MAMDC2: variants seen among roughly 807,000 people sequenced by gnomAD.
MAMDC2 encodes the protein MAM domain containing 2.
MAMDC2 carries 57 observed loss-of-function variants against 89.8 expected under a neutral mutation model. That is an observed-to-expected ratio of 0.63 (90% CI 0.51 to 0.79). MAMDC2 has a LOEUF of 0.79. Ranked by LOEUF, MAMDC2 falls within the 30% of genes least tolerant of loss-of-function variation. The pLI is 0.00. For synonymous variants in MAMDC2, 313 were observed against 293.4 expected, an observed-to-expected ratio of 1.07 and a Z score of -0.68; for missense variants, 800 against 820.6, an observed-to-expected ratio of 0.97 and a Z score of 0.31.
chr9:70,179,785 C>CAA (rs5898122), intron 11 of MAMDC2, among the ~76,000 whole-genome samples: 2,755 of 144,704 alleles, frequency 0.019, 83 homozygotes, highest in African/African-American at 0.062. Flanking sequence ...CTTTTTCTAG[C>CAA]AAAAAAAAAA....
chr9:70,184,170 G>T (rs2032701056), intron 11 of MAMDC2, among the ~76,000 whole-genome samples: 1 of 152,110 alleles, frequency 6.6e-6, no homozygotes, highest in Non-Finnish European at 1.5e-5. Context: ...GAAATTCTGG[G>T]TTGAAAATTC....
chr9:70,151,090 C>T (rs4744984), intron 9 of MAMDC2, among the ~76,000 whole-genome samples: 119,252 of 152,088 alleles, frequency 0.78, 46,876 homozygotes, highest in Admixed American at 0.83. Flanking sequence ...TTCCTTGAGT[C>T]CCAAGGCCTT....
intron 2 of MAMDC2, among the ~76,000 whole-genome samples, chr9:70,080,016 T>A (rs1011413642): frequency 6.6e-6 from 1 of 152,244 alleles, no homozygotes; most frequent in African/African-American, 2.4e-5. Flanking sequence ...TGAAACACTT[T>A]AAATGTATCA....
At position 70,126,292 on chromosome 9, in the gene MAMDC2, T is replaced by C. The variant is rs781674049; in HGVS notation, c.777T>C (p.Asn259=). Residue 259 remains asparagine (N), a synonymous_variant, in exon 6 of 14, where the codon AAT becomes AAC. Transcript: ENST00000377182. ...ACCAGATCCAGCAGGGGAATGACAA[T>C]GTCTTTTCCCTTTACACTCGGGATG... ...FYYQIQQGND[N]VFSLYTRDVA... 4 of 1,614,142 alleles carry C rather than the reference T, an allele frequency of 2.5e-6. No homozygotes were observed. The highest frequency in any genetic ancestry group is 2.5e-6 in the Non-Finnish European group (3 of 1,180,022).
At chr9:70,204,910 C>G (rs545410996) in intron 11 of MAMDC2, among the ~76,000 whole-genome samples, 4 of 152,230 alleles carry the variant, frequency 2.6e-5, no homozygotes, top group African/African-American at 4.8e-5. Flanking sequence ...CGCCCTGCTT[C>G]AGCTCGCGCA....
intron 2 of MAMDC2, among the ~76,000 whole-genome samples, chr9:70,105,356 G>A (rs1379805291): frequency 1.3e-5 from 2 of 152,120 alleles, no homozygotes; most frequent in South Asian, 4.1e-4. Context: ...TCCAGAGCAG[G>A]CCTGGAAAAC....
chr9:70,165,731 T>C (rs2118511983), intron 9 of MAMDC2, among the ~76,000 whole-genome samples: 1 of 152,372 alleles, frequency 6.6e-6, no homozygotes, highest in South Asian at 2.1e-4. Context: ...GCTGCATACC[T>C]GCTGTGTCCA....
At chr9:70,180,527 T>C (rs2032623708) in intron 11 of MAMDC2, among the ~76,000 whole-genome samples, 1 of 152,222 alleles carries the variant, frequency 6.6e-6, no homozygotes, top group Admixed American at 6.5e-5. Flanking sequence ...TCTACATCTG[T>C]TGTTTTCTGA....
intron 11 of MAMDC2, among the ~76,000 whole-genome samples, chr9:70,206,086 T>C (rs1303970169): frequency 6.6e-6 from 1 of 152,208 alleles, no homozygotes. Flanking sequence ...GGTAAGATGT[T>C]TGTCTACATT....
chr9:70,101,536 T>C (rs752187666), intron 2 of MAMDC2, among the ~76,000 whole-genome samples: 5 of 152,172 alleles, frequency 3.3e-5, no homozygotes, highest in African/African-American at 7.2e-5. Flanking sequence ...TTATGCTGTA[T>C]TTTTACTATA....
intron 2 of MAMDC2, among the ~76,000 whole-genome samples, chr9:70,107,082 G>T (rs1466024134): frequency 6.6e-6 from 1 of 152,152 alleles, no homozygotes; most frequent in East Asian, 1.9e-4. Context: ...AAGACAGCAG[G>T]TTAAATGACA....
intron 9 of MAMDC2, among the ~76,000 whole-genome samples, chr9:70,163,626 G>A (rs2032061530): frequency 6.6e-6 from 1 of 151,564 alleles, no homozygotes; most frequent in South Asian, 2.1e-4. Context: ...TGAGTGGAGA[G>A]AATAAATAGG....
chr9:70,143,959 C>T (rs1294655817), intron 9 of MAMDC2, 140 bp downstream of exon 9: 6 of 924,040 alleles, frequency 6.5e-6, no homozygotes, highest in Non-Finnish European at 8.2e-6. Context: ...ACCCTACTCC[C>T]AGCCACATAC....
intron 9 of MAMDC2, among the ~76,000 whole-genome samples, chr9:70,167,225 A>T (rs2032203381): frequency 6.6e-6 from 1 of 152,226 alleles, no homozygotes; most frequent in South Asian, 2.1e-4. Context: ...TTTATAATTG[A>T]AAGCAATATG....
rs768310309 is a variant in MAMDC2 at position 70,225,883 on chromosome 9, G to C, written c.1996+49G>C. 2.0e-6 allele frequency: 3 copies of C among 1,496,366 alleles called. No individual in the cohort carries two copies. The East Asian group carries it at 6.8e-5, about 34-fold the overall frequency. The allele number at this position is 1,496,366 out of a possible 1,614,324, so 92.7% of individuals were successfully genotyped here. ...AAGCTTGACTGAAAATGGACTTTGC[G>C]ATACTGTCTCAAACTACAAGAATAC... On this transcript the variant is annotated intron_variant, in intron 13 of 13. Transcript: ENST00000377182.
chr9:70,145,788 G>C (rs2031385049), intron 9 of MAMDC2, among the ~76,000 whole-genome samples: 1 of 151,366 alleles, frequency 6.6e-6, no homozygotes, highest in Admixed American at 6.6e-5. Flanking sequence ...GTGTTTATTA[G>C]GTATATGCTC....
At position 70,192,224 on chromosome 9, in the gene MAMDC2, A is replaced by T. The variant is rs568959362; in HGVS notation, c.1651+21593A>T. Among the ~76,000 whole-genome samples the T allele has an allele frequency of 4.1e-4, 62 of 151,904 alleles. No homozygotes were observed. The South Asian group carries it at 4.4e-3, about 11-fold the overall frequency. Reference sequence around the variant, plus strand: ...TAACTTCAAAACAGGTGTTTTCTTTAAAAAAAATGGTCTTTTTTTCTAATT... The same window carrying T: ...TAACTTCAAAACAGGTGTTTTCTTTTAAAAAAATGGTCTTTTTTTCTAATT... On this transcript the variant is annotated intron_variant, in intron 11 of 13. Coordinates refer to ENST00000377182, the MANE Select transcript of MAMDC2 (RefSeq NM_153267.5).
intron 11 of MAMDC2, among the ~76,000 whole-genome samples, chr9:70,186,494 A>G (rs1473785221): frequency 6.6e-6 from 1 of 152,230 alleles, no homozygotes; most frequent in Non-Finnish European, 1.5e-5. Context: ...TCTGGCTTCC[A>G]TCATATCTAT....
chr9:70,084,419 C>T (rs909331675), intron 2 of MAMDC2, among the ~76,000 whole-genome samples: 2 of 152,052 alleles, frequency 1.3e-5, no homozygotes, highest in Admixed American at 1.3e-4. Context: ...AGAGTAGATG[C>T]TCAACAAATA....
Sources: gnomAD v4.1 joint callset for allele counts (sites outside exome capture counted in the v4.1 genomes callset) on GRCh38, gnomAD v4.1.1 for gene constraint, MANE v1.5 for transcripts, NCBI Gene and HGNC (gene_info 2026-07-23, HGNC 2026-07-21) for gene names.